CLHC1: variants seen among roughly 807,000 people sequenced by gnomAD.
CLHC1 encodes the protein clathrin heavy chain linker domain-containing protein 1.
Under a neutral mutation model 69.5 loss-of-function variants are expected in CLHC1, and 72 were observed. The ratio of observed to expected loss-of-function variants is 1.04; its 90% confidence interval spans 0.86 to 1.26. The LOEUF is 1.26. Among genes scored for constraint, CLHC1 ranks in the 50% most tolerant of loss-of-function variants. The pLI, the probability that CLHC1 is intolerant of heterozygous loss-of-function variation, is 0.00. For synonymous variants in CLHC1, 223 were observed against 224.3 expected, an observed-to-expected ratio of 0.99 and a Z score of 0.05; for missense variants, 790 against 679.3, an observed-to-expected ratio of 1.16 and a Z score of -1.81.
intron 9 of CLHC1, among the ~76,000 whole-genome samples, chr2:55,203,859 G>A (rs1672190231): frequency 1.3e-5 from 2 of 152,090 alleles, no homozygotes; most frequent in Non-Finnish European, 2.9e-5. Context: ...TACAATCAAC[G>A]AAGTGAAGAG....
At position 55,212,746 on chromosome 2, in the gene CLHC1, C is replaced by T. The variant is rs377731785; in HGVS notation, c.426G>A (p.Gln142=). ...KIQSQIDHIK[Q]CRAEYDTKEV... ...CTTTTGTGTCATACTCTGCCCTACACTGCTTGATGTGATCTATTTGAGATT... is the reference window on the plus strand; with the variant it reads ...CTTTTGTGTCATACTCTGCCCTACATTGCTTGATGTGATCTATTTGAGATT... Residue 142 remains glutamine, a synonymous_variant, in exon 5 of 13, where the codon CAG becomes CAA. Coordinates refer to ENST00000401408, the MANE Select transcript of CLHC1 (RefSeq NM_152385.4). 9 of 1,598,308 alleles carry T rather than the reference C, an allele frequency of 5.6e-6. No individual in the cohort carries two copies. The African/African-American group carries it at 6.7e-5, about 12-fold the overall frequency.
rs1558452349 is a variant in CLHC1 at position 55,184,103 on chromosome 2, T to TTTC, written c.1007-2360_1007-2359insGAA. 4.6e-3 allele frequency among the ~76,000 whole-genome samples: 43 copies of TTTC among 9,442 alleles called. 16 individuals carry two copies. Among genetic ancestry groups the TTTC allele is most frequent in the African/African-American group, 6.7e-3 (8 of 1,202 alleles). The allele number at this position is 9,442 out of a possible 152,430, so 6.2% of individuals were successfully genotyped here. On this transcript the variant is annotated intron_variant, in intron 9 of 12. Transcript: ENST00000401408. ...CTGTTTTCTCTCTTTTCTTTCTTTC[T>TTTC]TTATTTTTTTTTTTTTTTTCGAGAC...
At chr2:55,200,012 C>G (rs1671786199) in intron 9 of CLHC1, among the ~76,000 whole-genome samples, 1 of 151,804 alleles carries the variant, frequency 6.6e-6, no homozygotes, top group African/African-American at 2.4e-5. Context: ...TTACCTGAAC[C>G]CAGGAGTTCA....
intron 3 of CLHC1, 108 bp downstream of exon 3, chr2:55,222,127 G>A: frequency 1.3e-6 from 1 of 748,442 alleles, no homozygotes; most frequent in Non-Finnish European, 2.2e-6. Context: ...TCAGCAAATG[G>A]AATGTTATCA....
At position 55,184,090 on chromosome 2, in the gene CLHC1, T is replaced by TTTTC. The variant is rs1238226785; in HGVS notation, c.1007-2350_1007-2347dup. On this transcript the variant is annotated intron_variant, in intron 9 of 12. Coordinates refer to ENST00000401408, the MANE Select transcript of CLHC1 (RefSeq NM_152385.4). ...TACCATGCTCGGCCTGTTTTCTCTC[T>TTTTC]TTTCTTTCTTTCTTTATTTTTTTTT... 2.5e-4 allele frequency among the ~76,000 whole-genome samples: 28 copies of TTTTC among 110,044 alleles called. 7 individuals carry two copies. The highest frequency in any genetic ancestry group is 3.2e-4 in the South Asian group (1 of 3,160). 72.2% of individuals were successfully genotyped at this position (110,044 alleles called of 152,430 possible).
At position 55,222,419 on chromosome 2, in the gene CLHC1, A is replaced by C. The variant is rs1306476022; in HGVS notation, c.-8T>G. The C allele has an allele frequency of 3.7e-6, 6 of 1,611,672 alleles. No individual in the cohort carries two copies. In the African/African-American group the frequency reaches 6.7e-5, roughly 18 times the overall value. On this transcript the variant is annotated 5_prime_UTR_variant, in exon 3 of 13. The change creates a new upstream start codon in the 5' untranslated region. Transcript: ENST00000401408. ...TATTTGATGAACTGACATATTTGAC[A>C]ATCTGCACACTTGTTCACTGAAGAA...
chr2:55,187,818 C>T (rs1293818192), intron 9 of CLHC1, among the ~76,000 whole-genome samples: 2 of 151,898 alleles, frequency 1.3e-5, no homozygotes, highest in African/African-American at 4.8e-5. Context: ...TGATAAATTC[C>T]ACTACATTAA....
At chr2:55,176,703 T>TAGTG (rs1669420580) in intron 12 of CLHC1, among the ~76,000 whole-genome samples, 1 of 152,208 alleles carries the variant, frequency 6.6e-6, no homozygotes, top group African/African-American at 2.4e-5. Context: ...ACTATAATTT[T>TAGTG]ATTTCTACCA....
At chr2:55,181,308 C>T (rs1385051469) in intron 10 of CLHC1, among the ~76,000 whole-genome samples, 2 of 151,796 alleles carry the variant, frequency 1.3e-5, no homozygotes, top group East Asian at 3.9e-4. Flanking sequence ...TTTGTATTTT[C>T]AGTAGAGACA....
At position 55,209,485 on chromosome 2, in the gene CLHC1, G is replaced by A. The variant is rs756456375; in HGVS notation, c.733C>T (p.Leu245Phe). Reference sequence around the variant, plus strand: ...ATATCAGATTTTACCCATGAACTAAGTGCCTGTGAAATTATCTGCAGTCTT... The same window carrying A: ...ATATCAGATTTTACCCATGAACTAAATGCCTGTGAAATTATCTGCAGTCTT... ...HQRLQIISQA[L>F]SSWVKSDMSS... Residue 245 changes from leucine to phenylalanine, a missense_variant, in exon 7 of 13, where the codon CTT (leucine) becomes TTT (phenylalanine). Physicochemically the swap from Leu to Phe is conservative, Grantham distance 22 (BLOSUM62 0). Coordinates refer to ENST00000401408, the MANE Select transcript of CLHC1 (RefSeq NM_152385.4). 4 of 1,611,606 alleles carry A rather than the reference G, an allele frequency of 2.5e-6. No homozygotes were observed. The highest frequency in any genetic ancestry group is 1.1e-5 in the South Asian group (1 of 90,174).
intron 9 of CLHC1, among the ~76,000 whole-genome samples, chr2:55,193,998 G>T (rs1185374793): frequency 6.6e-6 from 1 of 152,118 alleles, no homozygotes; most frequent in East Asian, 1.9e-4. Context: ...TATGCTAAGT[G>T]AAAGAAACCT....
chr2:55,227,005 T>A (rs1674772307), intron 2 of CLHC1, among the ~76,000 whole-genome samples: 2 of 152,224 alleles, frequency 1.3e-5, no homozygotes, highest in South Asian at 4.1e-4. Flanking sequence ...TCTGGCAATA[T>A]AACTGATACC....
chr2:55,177,965 G>A (rs1472609446), intron 11 of CLHC1, among the ~76,000 whole-genome samples, 184 bp from the exon 12 acceptor site: 1 of 151,590 alleles, frequency 6.6e-6, no homozygotes, highest in East Asian at 1.9e-4. Flanking sequence ...AAAAAATCAT[G>A]CTCAGCATAG....
At chr2:55,188,206 C>G (rs1670597098) in intron 9 of CLHC1, among the ~76,000 whole-genome samples, 2 of 152,010 alleles carry the variant, frequency 1.3e-5, no homozygotes, top group Admixed American at 1.3e-4. Context: ...GTCCCAATGA[C>G]TAGAGACGCT....
chr2:55,229,875 A>T (rs145151583), intron 1 of CLHC1, among the ~76,000 whole-genome samples: 88 of 152,276 alleles, frequency 5.8e-4, no homozygotes, highest in African/African-American at 1.7e-3. Context: ...GGAGTTCCAG[A>T]CCAGCCTGAC....
rs184705631 is a variant in CLHC1 at position 55,192,766 on chromosome 2, T to C, written c.1007-11022A>G. Among the ~76,000 whole-genome samples the C allele has an allele frequency of 4.2e-3, 645 of 152,074 alleles. 5 individuals carry two copies. Among genetic ancestry groups the C allele is most frequent in the Non-Finnish European group, 4.8e-3 (328 of 67,990 alleles). The stretch of plus-strand genomic sequence containing the variant: ...ACAAGGTGCTGGGAAAACCAGATTA[T>C]CCTTAAGCAAAAGAATGAAACTGGA... On this transcript the variant is annotated intron_variant, in intron 9 of 12. Coordinates refer to ENST00000401408, the MANE Select transcript of CLHC1 (RefSeq NM_152385.4).
chr2:55,214,124 A>G (rs1258946154), intron 4 of CLHC1, among the ~76,000 whole-genome samples: 1 of 152,212 alleles, frequency 6.6e-6, no homozygotes, highest in Non-Finnish European at 1.5e-5. Context: ...AGTCAGGCCT[A>G]GTTGAAAAGG....
chr2:55,185,533 C>T (rs188716093), intron 9 of CLHC1, among the ~76,000 whole-genome samples: 1 of 152,318 alleles, frequency 6.6e-6, no homozygotes, highest in East Asian at 1.9e-4. Flanking sequence ...AATCACTCTA[C>T]ATGTAAGCTC....
At chr2:55,197,323 T>C (rs1671521142) in intron 9 of CLHC1, among the ~76,000 whole-genome samples, 1 of 152,156 alleles carries the variant, frequency 6.6e-6, no homozygotes, top group Non-Finnish European at 1.5e-5. Context: ...ACCTGTTGAT[T>C]GTAGAGCCCT....
Sources: allele counts gnomAD v4.1 joint callset (sites outside exome capture counted in the v4.1 genomes callset), GRCh38; gene constraint gnomAD v4.1.1; transcripts MANE v1.5; gene names NCBI Gene and HGNC (gene_info 2026-07-23, HGNC 2026-07-21).